SPMIP2: variants seen among roughly 807,000 people sequenced by gnomAD.
SPMIP2 encodes protein SPMIP2.
At chr4:159,006,613 T>C in the SPMIP2 span, among the ~76,000 whole-genome samples, 47,816 of 152,066 alleles carry the variant, frequency 0.31, 7,706 homozygotes, top group South Asian at 0.44. Context: ...TTGAGCAAAA[T>C]GCTGAACATG....
chr4:158,998,363 A>G, the SPMIP2 span, among the ~76,000 whole-genome samples: 1 of 152,220 alleles, frequency 6.6e-6, no homozygotes, highest in Non-Finnish European at 1.5e-5. Context: ...TTAGATATGA[A>G]TGAAGCTTCT....
the SPMIP2 span, among the ~76,000 whole-genome samples, chr4:158,895,576 A>G: frequency 1.3e-5 from 2 of 152,250 alleles, no homozygotes; most frequent in East Asian, 1.9e-4. Context: ...ACAAGAACCT[A>G]TTCTTATACC....
At chr4:158,949,210 C>A in the SPMIP2 span, among the ~76,000 whole-genome samples, 1 of 152,124 alleles carries the variant, frequency 6.6e-6, no homozygotes, top group Non-Finnish European at 1.5e-5. Flanking sequence ...TTGTTTCATA[C>A]ATAGTATTTA....
chr4:159,029,347 T>G, the SPMIP2 span, among the ~76,000 whole-genome samples: 1 of 152,196 alleles, frequency 6.6e-6, no homozygotes, highest in Admixed American at 6.6e-5. Flanking sequence ...GATAAAAATA[T>G]TCAGTATCTT....
the SPMIP2 span, among the ~76,000 whole-genome samples, chr4:158,985,899 C>G: frequency 6.6e-6 from 1 of 151,484 alleles, no homozygotes; most frequent in Non-Finnish European, 1.5e-5. Flanking sequence ...TGTCTCAGCC[C>G]AAAATCTCCT....
At chr4:158,996,465 GA>G in the SPMIP2 span, among the ~76,000 whole-genome samples, 7 of 152,236 alleles carry the variant, frequency 4.6e-5, no homozygotes, top group East Asian at 7.7e-4. Flanking sequence ...GATATTTCAT[GA>G]AAAAAATTAG....
the SPMIP2 span, among the ~76,000 whole-genome samples, chr4:159,028,976 T>C: frequency 2.0e-5 from 3 of 152,026 alleles, no homozygotes; most frequent in Non-Finnish European, 4.4e-5. Context: ...ACACCTGAAA[T>C]CTCAGCTACT....
At chr4:158,963,807 T>G in the SPMIP2 span, among the ~76,000 whole-genome samples, 80,711 of 151,804 alleles carry the variant, frequency 0.53, 22,641 homozygotes, top group South Asian at 0.64. Context: ...CTTGGCAAAG[T>G]GGATTTGAAG....
At chr4:159,042,099 G>T in the SPMIP2 span, among the ~76,000 whole-genome samples, 1 of 152,182 alleles carries the variant, frequency 6.6e-6, no homozygotes, top group African/African-American at 2.4e-5. Context: ...TATTCCCTCT[G>T]TGGGCTATTG....
chr4:158,914,550 G>T, the SPMIP2 span, among the ~76,000 whole-genome samples: 1 of 152,126 alleles, frequency 6.6e-6, no homozygotes, highest in East Asian at 1.9e-4. Flanking sequence ...AAAACTGGAC[G>T]CCTGCAAAGT....
chr4:159,040,379 G>T, the SPMIP2 span, among the ~76,000 whole-genome samples: 5 of 151,990 alleles, frequency 3.3e-5, no homozygotes, highest in African/African-American at 1.2e-4. Flanking sequence ...CACCGTGTTA[G>T]CCAGGATGGT....
chr4:159,039,185 T>G, the SPMIP2 span, among the ~76,000 whole-genome samples: 2 of 152,112 alleles, frequency 1.3e-5, no homozygotes, highest in Admixed American at 1.3e-4. Flanking sequence ...GCAATCCTCC[T>G]GACTCAGGCT....
At chr4:159,069,971 A>G in the SPMIP2 span, among the ~76,000 whole-genome samples, 16 of 152,138 alleles carry the variant, frequency 1.1e-4, no homozygotes, top group Admixed American at 6.5e-4. Flanking sequence ...TAAGCATGTA[A>G]TATTTTAAGC....
At chr4:159,029,131 A>G in the SPMIP2 span, among the ~76,000 whole-genome samples, 1 of 152,210 alleles carries the variant, frequency 6.6e-6, no homozygotes, top group Non-Finnish European at 1.5e-5. Flanking sequence ...AAATCTCCTC[A>G]CTATGTCATT....
the SPMIP2 span, among the ~76,000 whole-genome samples, chr4:159,000,494 CT>C: frequency 1.3e-3 from 168 of 129,990 alleles, no homozygotes; most frequent in Middle Eastern, 3.8e-3. Flanking sequence ...TCTTCTTCTT[CT>C]TTTTTTTTTT....
the SPMIP2 span, chr4:158,904,717 G>C: frequency 3.3e-6 from 2 of 600,124 alleles, no homozygotes; most frequent in Non-Finnish European, 5.9e-6. Flanking sequence ...TGAAGACTTA[G>C]GTTTACTTGA....
chr4:159,047,967 G>GA, the SPMIP2 span, among the ~76,000 whole-genome samples: 3 of 152,220 alleles, frequency 2.0e-5, no homozygotes, highest in Non-Finnish European at 4.4e-5. Context: ...CACAAAGAGG[G>GA]AAAATAAAAG....
chr4:158,949,471 G>A, the SPMIP2 span, among the ~76,000 whole-genome samples: 1 of 152,212 alleles, frequency 6.6e-6, no homozygotes, highest in South Asian at 2.1e-4. Flanking sequence ...CTGAGGCATA[G>A]TTTAAATAAC....
the SPMIP2 span, among the ~76,000 whole-genome samples, chr4:158,947,637 G>T: frequency 6.6e-6 from 1 of 152,022 alleles, no homozygotes; most frequent in Non-Finnish European, 1.5e-5. Flanking sequence ...AATTCATATT[G>T]TTAGCTAAAA....
Sources: allele counts gnomAD v4.1 joint callset (sites outside exome capture counted in the v4.1 genomes callset), GRCh38; gene constraint gnomAD v4.1.1; transcripts MANE v1.5; gene names NCBI Gene and HGNC (gene_info 2026-07-23, HGNC 2026-07-21).